ATRX: variants seen among roughly 807,000 people sequenced by gnomAD.
ATRX encodes the protein chromatin remodeler ATRX.
A neutral mutation model predicts 172.6 loss-of-function variants in ATRX; 12 were observed. The ratio of observed to expected loss-of-function variants is 0.07; its 90% confidence interval spans 0.04 to 0.11. The LOEUF (loss-of-function observed/expected upper bound fraction) is 0.11, where lower values mean the gene tolerates loss of function less well. ATRX is among the 10% of genes least tolerant of loss of function. The pLI is 1.00. For missense variants in ATRX, 1,368 were observed against 1,767.4 expected, an observed-to-expected ratio of 0.77 and a Z score of 4.05; for synonymous variants, 674 against 594.7, an observed-to-expected ratio of 1.13 and a Z score of -1.94.
In ATRX at chrX:77,684,441, G is replaced by C. The variant is rs782487127; in HGVS notation, c.815C>G (p.Pro272Arg). The C allele has an allele frequency of 2.5e-6, 3 of 1,211,427 alleles. No individual in the cohort carries two copies. The highest frequency in any genetic ancestry group is 2.2e-6 in the Non-Finnish European group (2 of 895,284). ...ACATGCAGTGACCAAGTCCAACAAA[G>C]GCTCTGGGTGACAAATGTAGCAATA... ...QWYCYICHPE[P>R]LLDLVTACNS... The change falls in exon 9 of 35, where the codon CCT becomes CGT. Residue 272 changes from proline (P) to arginine (R), a missense_variant. By Grantham distance (103) the Pro-to-Arg change is moderately radical. This residue lies in a region of ATRX where 17 missense variants were observed against 30.3 expected (regional missense o/e 0.56). Coordinates refer to ENST00000373344, the MANE Select transcript of ATRX (RefSeq NM_000489.6).
At chrX:77,686,258 T>C (rs1485048917) in intron 7 of ATRX, among the ~76,000 whole-genome samples, 4 of 112,570 alleles carry the variant, frequency 3.6e-5, no homozygotes, top group African/African-American at 1.3e-4. Context: ...TACCCCATTT[T>C]CCACAATGTG....
chrX:77,714,763 G>A (rs1204259291), intron 2 of ATRX, among the ~76,000 whole-genome samples: 1 of 111,746 alleles, frequency 8.9e-6, no homozygotes, highest in Admixed American at 9.5e-5. Context: ...AGTCCCAAAA[G>A]GCAGACAAAC....
Position 77,698,517 on chromosome X carries a change from C to T in ATRX, c.189+57G>A, listed in dbSNP as rs145582507. On this transcript the variant is annotated intron_variant, in intron 3 of 34. Transcript: ENST00000373344. ...CATGTGTCCAGAAGCAATCTAAAGA[C>T]ATATGCTCTACTTGGTTAATCGTAA... is the stretch of plus-strand genomic sequence containing the variant. 11 of 1,057,451 alleles carry T rather than the reference C, an allele frequency of 1.0e-5. No individual in the cohort carries two copies. In the East Asian group the frequency reaches 2.1e-4, roughly 20 times the overall value. The allele number at this position is 1,057,451 out of a possible 1,213,427, so 87.1% of individuals were successfully genotyped here.
At chrX:77,717,540 G>T (rs1379131604) in intron 1 of ATRX, among the ~76,000 whole-genome samples, 2 of 105,848 alleles carry the variant, frequency 1.9e-5, no homozygotes, top group African/African-American at 6.9e-5. Flanking sequence ...TGAGGCAGAG[G>T]TTGCAGTGAG....
intron 1 of ATRX, among the ~76,000 whole-genome samples, chrX:77,724,134 C>A (rs1489709469): frequency 1.8e-5 from 2 of 110,004 alleles, no homozygotes; most frequent in East Asian, 5.8e-4. Context: ...CAAAATTAGC[C>A]GGGCCTGGTG....
intron 22 of ATRX, among the ~76,000 whole-genome samples, chrX:77,608,000 GAACAA>G (rs1287924515): frequency 2.7e-5 from 3 of 110,802 alleles, no homozygotes; most frequent in African/African-American, 9.9e-5. Flanking sequence ...TGAGCTAAAT[GAACAA>G]AACTGGAGGA....
intron 22 of ATRX, among the ~76,000 whole-genome samples, chrX:77,613,491 G>A (rs181761201): frequency 2.5e-4 from 28 of 111,646 alleles, no homozygotes; most frequent in South Asian, 7.5e-4. Context: ...TGACCCTTGC[G>A]CACCAAAGGT....
intron 1 of ATRX, among the ~76,000 whole-genome samples, chrX:77,771,430 T>C (rs1557199058): frequency 9.2e-6 from 1 of 109,272 alleles, no homozygotes; most frequent in African/African-American, 3.3e-5. Flanking sequence ...TTCTTTCCAA[T>C]TCTACCTCCC....
chrX:77,688,437 T>TAC, intron 7 of ATRX, among the ~76,000 whole-genome samples: 1 of 111,845 alleles, frequency 8.9e-6, no homozygotes, highest in Non-Finnish European at 1.9e-5. Flanking sequence ...ACACAAACAT[T>TAC]ACACACATCC....
intron 30 of ATRX, among the ~76,000 whole-genome samples, chrX:77,538,607 C>A (rs2063845221): frequency 9.0e-6 from 1 of 111,407 alleles, no homozygotes; most frequent in African/African-American, 3.3e-5. Context: ...CACTTGTACT[C>A]CCTAAATCTA....
At chrX:77,674,923 A>T (rs1557132663) in intron 10 of ATRX, 2 of 111,638 alleles carry the variant, frequency 1.8e-5, no homozygotes, top group African/African-American at 6.5e-5. Context: ...TTTTAATTTA[A>T]AAAAGTAGGC....
intron 28 of ATRX, among the ~76,000 whole-genome samples, chrX:77,573,809 A>G (rs1193703835): frequency 9.0e-6 from 1 of 111,087 alleles, no homozygotes; most frequent in Non-Finnish European, 1.9e-5. Flanking sequence ...AGCAATCACA[A>G]TCCTAGGCTT....
chrX:77,619,032 CT>C, intron 20 of ATRX, 51 bp from the exon 21 acceptor site: 1 of 949,752 alleles, frequency 1.1e-6, no homozygotes, highest in Non-Finnish European at 1.5e-6. Flanking sequence ...GTTAAAAAGA[CT>C]TAGAAAAATT....
intron 10 of ATRX, chrX:77,675,144 A>C: frequency 8.9e-6 from 1 of 112,124 alleles, no homozygotes; most frequent in Non-Finnish European, 1.9e-5. Flanking sequence ...TTTCTTACAA[A>C]ATTATGACAG....
rs960539705 is a variant in ATRX at position 77,505,649 on chromosome X, C to G, written c.*2702G>C. ...ATTATATAGGACAACAAAAGCTATACATTTTCTATGAAACAGTATGTGCAC... is the reference window on the plus strand; with the variant it reads ...ATTATATAGGACAACAAAAGCTATAGATTTTCTATGAAACAGTATGTGCAC... On this transcript the variant is annotated 3_prime_UTR_variant, in exon 35 of 35. Transcript: ENST00000373344. 5.8e-5 allele frequency: 10 copies of G among 171,731 alleles called. No homozygotes were observed. The highest frequency in any genetic ancestry group is 2.4e-4 in the African/African-American group (8 of 33,774). 14.2% of individuals were successfully genotyped at this position (171,731 alleles called of 1,213,427 possible). A position where few individuals can be genotyped will look rare whatever the true frequency, so the allele number is the denominator to read the frequency against.
chrX:77,518,599 C>T (rs1557040044), intron 34 of ATRX, among the ~76,000 whole-genome samples: 1 of 111,434 alleles, frequency 9.0e-6, no homozygotes, highest in African/African-American at 3.3e-5. Context: ...TCCATAGATA[C>T]AATGCATCCT....
Position 77,669,534 on chromosome X carries a change from G to A in ATRX, c.3810-4756C>T, listed in dbSNP as rs181652034. Among the ~76,000 whole-genome samples, 511 of 111,223 alleles carry A rather than the reference G, an allele frequency of 4.6e-3. 6 individuals are homozygous for A. Among genetic ancestry groups the A allele is most frequent in the Non-Finnish European group, 6.0e-3 (319 of 53,065 alleles). ...AAACAGGCTTTCACCATGTTGACCA[G>A]GATGGTCTCAAACTCCTGACCTCAG... is the stretch of plus-strand genomic sequence containing the variant. On this transcript the variant is annotated intron_variant, in intron 10 of 34. Coordinates refer to ENST00000373344, the MANE Select transcript of ATRX (RefSeq NM_000489.6).
chrX:77,684,866 C>A (rs45504192), intron 8 of ATRX, 73 bp downstream of exon 8: 1 of 956,836 alleles, frequency 1.0e-6, no homozygotes, highest in African/African-American at 1.9e-5. Context: ...AAAGACAAAC[C>A]TCATAAATGA....
At chrX:77,587,304 AG>A (rs782309493) in intron 27 of ATRX, among the ~76,000 whole-genome samples, 1 of 111,244 alleles carries the variant, frequency 9.0e-6, no homozygotes, top group African/African-American at 3.3e-5. Context: ...CAGGTATGCA[AG>A]GTTGGTTTAA....
Sources: gnomAD v4.1 joint callset for allele counts (sites outside exome capture counted in the v4.1 genomes callset) on GRCh38, gnomAD v4.1.1 for gene constraint, gnomAD v4.1.1 regional missense constraint, MANE v1.5 for transcripts, NCBI Gene and HGNC (gene_info 2026-07-23, HGNC 2026-07-21) for gene names.